The following OTUD7A variants were observed in gnomAD, a reference collection of about 807,000 sequenced individuals.
OTUD7A encodes the protein OTU domain-containing protein 7A.
In OTUD7A, 12 loss-of-function variants were observed where a neutral mutation model predicts 65.7. That is an observed-to-expected ratio of 0.18 (90% confidence interval 0.12 to 0.30). The LOEUF (loss-of-function observed/expected upper bound fraction) is 0.30. Ranked by LOEUF, OTUD7A falls within the 10% of genes least tolerant of loss-of-function variation. The probability of loss-of-function intolerance (pLI) is 1.00; values close to 1 mark genes in which losing one functional copy is unlikely to be tolerated. For synonymous variants in OTUD7A, 641 were observed against 586.3 expected, an observed-to-expected ratio of 1.09 and a Z score of -1.35; for missense variants, 1,148 against 1,304.8, an observed-to-expected ratio of 0.88 and a Z score of 1.85.
chr15:31,483,982 G>A lies in OTUD7A; in HGVS notation c.2114C>T (p.Pro705Leu), dbSNP rs1202126443. The part of the protein sequence containing the change: ...AATAKRPPRR[P>L]ETEGVPVPER... ...CGGGACCGGCACGCCCTCCGTCTCC[G>A]GTCTGCGCGGCGGCCGCTTGGCCGT... Residue 705 changes from proline to leucine, a missense_variant, in exon 13 of 13, where the codon CCG becomes CTG. Physicochemically the swap from Pro to Leu is moderately conservative, Grantham distance 98 (BLOSUM62 -3). Coordinates refer to ENST00000307050, the MANE Select transcript of OTUD7A (RefSeq NM_001382637.1). The A allele has an allele frequency of 6.2e-6, 7 of 1,136,584 alleles. No individual in the cohort carries two copies. The highest frequency in any genetic ancestry group is 3.0e-4 in the Middle Eastern group (1 of 3,308). The allele number at this position is 1,136,584 out of a possible 1,614,324, so 70.4% of individuals were successfully genotyped here. A position where few individuals can be genotyped will look rare whatever the true frequency, so the allele number is the denominator to read the frequency against.
intron 1 of OTUD7A, among the ~76,000 whole-genome samples, chr15:31,671,640 T>C (rs189121980): frequency 1.3e-5 from 2 of 152,358 alleles, no homozygotes; most frequent in East Asian, 3.9e-4. Flanking sequence ...TGAACCTAAC[T>C]CATGTTTCTG....
chr15:31,570,778 G>A (rs74012535), intron 3 of OTUD7A, among the ~76,000 whole-genome samples: 4,329 of 152,156 alleles, frequency 0.028, 200 homozygotes, highest in African/African-American at 0.098. Flanking sequence ...GCGTGGGTAC[G>A]CACTCAGCAG....
Position 31,482,412 on chromosome 15 carries a change from G to C in OTUD7A, c.*882C>G, listed in dbSNP as rs867273006. 1 of 152,324 alleles carries C rather than the reference G, an allele frequency of 6.6e-6. No homozygotes were observed. Among genetic ancestry groups the C allele is most frequent in the African/African-American group, 2.4e-5 (1 of 41,462 alleles). The allele number at this position is 152,324 out of a possible 1,614,324, so 9.4% of individuals were successfully genotyped here. On this transcript the variant is annotated 3_prime_UTR_variant, in exon 13 of 13. Transcript: ENST00000307050. ...GGGGCACCGATGGTCACCGCCCAGGGGCCCGCCAGCGACAGTCCACTGTGG... is the reference window on the plus strand; with the variant it reads ...GGGGCACCGATGGTCACCGCCCAGGCGCCCGCCAGCGACAGTCCACTGTGG...
chr15:31,787,524 G>A (rs1034620546), intron 1 of OTUD7A: 2 of 152,116 alleles, frequency 1.3e-5, no homozygotes, highest in African/African-American at 4.8e-5. Context: ...AGTTCATAGT[G>A]GAGAGGTACC....
intron 1 of OTUD7A, among the ~76,000 whole-genome samples, chr15:31,825,403 A>T (rs1896774459): frequency 6.6e-6 from 1 of 152,198 alleles, no homozygotes. Context: ...AACCCCTGAT[A>T]AAACCATCAG....
At chr15:31,775,127 CTCT>C (rs1369595828) in intron 1 of OTUD7A, among the ~76,000 whole-genome samples, 3 of 151,978 alleles carry the variant, frequency 2.0e-5, no homozygotes, top group Admixed American at 6.5e-5. Context: ...CACCCCTCCC[CTCT>C]TCAACACTTA....
intron 1 of OTUD7A, among the ~76,000 whole-genome samples, chr15:31,669,568 C>T (rs1223950330): frequency 3.9e-5 from 6 of 152,350 alleles, no homozygotes; most frequent in Admixed American, 6.5e-5. Context: ...CCCCAGGTTA[C>T]CTGCTTCCCA....
intron 1 of OTUD7A, among the ~76,000 whole-genome samples, chr15:31,714,973 TAAAAATAC>T (rs1187328862): frequency 6.7e-6 from 1 of 149,608 alleles, no homozygotes; most frequent in African/African-American, 2.4e-5. Context: ...CCGTCTCTAC[TAAAAATAC>T]AAAAATTAGC....
chr15:31,828,281 C>CT (rs957355273), intron 1 of OTUD7A, among the ~76,000 whole-genome samples: 41 of 151,018 alleles, frequency 2.7e-4, no homozygotes, highest in Middle Eastern at 3.4e-3. Flanking sequence ...TTGCTTATGT[C>CT]TTTTTTTTTA....
intron 1 of OTUD7A, among the ~76,000 whole-genome samples, chr15:31,727,838 G>A (rs1416691406): frequency 4.6e-5 from 7 of 152,204 alleles, no homozygotes; most frequent in Non-Finnish European, 8.8e-5. Flanking sequence ...CTTCTCAGCC[G>A]CCCCTTCTGA....
intron 3 of OTUD7A, among the ~76,000 whole-genome samples, chr15:31,573,462 G>A (rs1008273775): frequency 1.1e-4 from 17 of 152,114 alleles, no homozygotes; most frequent in African/African-American, 4.1e-4. Flanking sequence ...AAAAGCAAAG[G>A]TAGAGATACA....
intron 3 of OTUD7A, among the ~76,000 whole-genome samples, chr15:31,625,686 C>G (rs1287344904): frequency 6.6e-6 from 1 of 152,166 alleles, no homozygotes; most frequent in Admixed American, 6.5e-5. Flanking sequence ...AAAGCCACAT[C>G]TCCATAAAAA....
At chr15:31,581,981 C>A (rs1253077726) in intron 3 of OTUD7A, among the ~76,000 whole-genome samples, 5 of 152,194 alleles carry the variant, frequency 3.3e-5, no homozygotes, top group Non-Finnish European at 7.3e-5. Context: ...GCTCCTATTC[C>A]AAACCATATC....
Position 31,538,039 on chromosome 15 carries a change from G to A in OTUD7A, c.551-7231C>T, listed in dbSNP as rs533786169. 9.9e-5 allele frequency among the ~76,000 whole-genome samples: 15 copies of A among 152,282 alleles called. No homozygotes were observed. In the South Asian group the frequency reaches 2.5e-3, roughly 25 times the overall value. On this transcript the variant is annotated intron_variant, in intron 5 of 12. Transcript: ENST00000307050. The stretch of plus-strand genomic sequence containing the variant: ...TGGGGCAACGTGCAAATGTTCATAC[G>A]TCCAAGACGATCTGTGCAATTCCAC...
At chr15:31,608,709 T>C (rs1890308534) in intron 3 of OTUD7A, among the ~76,000 whole-genome samples, 1 of 152,152 alleles carries the variant, frequency 6.6e-6, no homozygotes, top group African/African-American at 2.4e-5. Context: ...ATATACAGGA[T>C]GGGATAGAAG....
Position 31,484,026 on chromosome 15 carries a change from G to T in OTUD7A, c.2070C>A (p.Ala690=). Reference sequence around the variant, plus strand: ...TGGCCGTGGCGGCGGCGGCGGCGGCGGCAGCGGCGGCCGCAGTAGCGGCGT... The same window carrying T: ...TGGCCGTGGCGGCGGCGGCGGCGGCTGCAGCGGCGGCCGCAGTAGCGGCGT... The part of the protein sequence containing the change: ...RRDAATAAAA[A]AAAAAATAKR... Residue 690 remains alanine (A), a synonymous_variant, in exon 13 of 13, where the codon GCC becomes GCA. Transcript: ENST00000307050. The surrounding 1 kb of genome is among the most constrained non-coding windows in gnomAD (Gnocchi z 4.5). The T allele has an allele frequency of 8.1e-6, 8 of 990,368 alleles. No homozygotes were observed. The highest frequency in any genetic ancestry group is 1.0e-5 in the Non-Finnish European group (8 of 781,864). The allele number at this position is 990,368 out of a possible 1,614,324, so 61.3% of individuals were successfully genotyped here.
At chr15:31,556,854 A>G (rs1421972570) in intron 5 of OTUD7A, 1 of 152,272 alleles carries the variant, frequency 6.6e-6, no homozygotes, top group Non-Finnish European at 1.5e-5. Flanking sequence ...TATTGAAAAT[A>G]TCTTATCTGA....
Position 31,481,142 on chromosome 15 carries a change from G to A in OTUD7A, c.*2152C>T, listed in dbSNP as rs2041111881. On this transcript the variant is annotated 3_prime_UTR_variant, in exon 13 of 13. Transcript: ENST00000307050. ...ATCTGAATTAGCATAGCCAGTTTTA[G>A]AAATTTCTGGTTGGCTGTTTTTACA... 6.6e-6 allele frequency: 1 copy of A among 152,158 alleles called. No individual in the cohort carries two copies. The highest frequency in any genetic ancestry group is 2.4e-5 in the African/African-American group (1 of 41,426). The allele number at this position is 152,158 out of a possible 1,614,324, so 9.4% of individuals were successfully genotyped here.
chr15:31,821,169 C>G (rs997009335), intron 1 of OTUD7A, among the ~76,000 whole-genome samples: 1 of 118,646 alleles, frequency 8.4e-6, no homozygotes, highest in African/African-American at 3.3e-5. Context: ...CGGAGTCTTG[C>G]TCTGTCACCA....
Sources: allele counts gnomAD v4.1 joint callset (sites outside exome capture counted in the v4.1 genomes callset), GRCh38; gene constraint gnomAD v4.1.1; non-coding constraint Gnocchi (gnomAD v3.1); transcripts MANE v1.5; gene names NCBI Gene and HGNC (gene_info 2026-07-23, HGNC 2026-07-21).